The following HDAC9 variants were observed in gnomAD, a reference collection of about 807,000 sequenced individuals.
HDAC9 encodes MEF-2 interacting transcription repressor (MITR) protein.
Under a neutral mutation model 139.4 loss-of-function variants are expected in HDAC9, and 41 were observed. The ratio of observed to expected loss-of-function variants is 0.29; its 90% CI spans 0.23 to 0.38. HDAC9 has a LOEUF of 0.38. HDAC9 is among the 10% of genes least tolerant of loss of function. HDAC9 has a pLI of 1.00. For synonymous variants in HDAC9, 517 were observed against 476.2 expected (o/e 1.09, Z -1.12); for missense variants, 1,147 against 1,297.0 (o/e 0.88, Z 1.78).
intron 1 of HDAC9, among the ~76,000 whole-genome samples, chr7:18,355,235 G>T (rs1330993767): frequency 2.0e-5 from 3 of 152,090 alleles, no homozygotes; most frequent in Non-Finnish European, 2.9e-5. Context: ...AATGTACAGA[G>T]AAATTAAGTA....
intron 1 of HDAC9, among the ~76,000 whole-genome samples, chr7:18,379,272 A>G (rs1000919395): frequency 1.5e-4 from 23 of 152,212 alleles, no homozygotes; most frequent in Non-Finnish European, 3.1e-4. Context: ...ACATTATCCA[A>G]CATTAGTGGT....
At chr7:18,663,956 G>A (rs1170276811) in intron 11 of HDAC9, among the ~76,000 whole-genome samples, 1 of 152,068 alleles carries the variant, frequency 6.6e-6, no homozygotes, top group South Asian at 2.1e-4. Context: ...TTGTTACCCA[G>A]TGTCCTTATT....
intron 19 of HDAC9, among the ~76,000 whole-genome samples, chr7:18,830,260 C>T (rs915909581): frequency 9.9e-5 from 15 of 152,074 alleles, no homozygotes; most frequent in African/African-American, 3.4e-4. Flanking sequence ...CAGGAAAGGG[C>T]GAAAGAGAAG....
chr7:18,776,292 A>T (rs140304570), intron 16 of HDAC9, among the ~76,000 whole-genome samples: 1 of 151,716 alleles, frequency 6.6e-6, no homozygotes, highest in African/African-American at 2.4e-5. Flanking sequence ...TCAATCCACA[A>T]CTCCATTAAT....
chr7:18,412,276 C>A (rs1446642368), intron 1 of HDAC9, among the ~76,000 whole-genome samples: 2 of 152,016 alleles, frequency 1.3e-5, no homozygotes, highest in African/African-American at 4.8e-5. Flanking sequence ...TTTTTTCTTG[C>A]ACATTCTTTA....
intron 1 of HDAC9, among the ~76,000 whole-genome samples, chr7:18,148,530 A>G (rs1447042194): frequency 3.3e-5 from 5 of 151,954 alleles, no homozygotes; most frequent in African/African-American, 7.3e-5. Context: ...GATCTTGGCT[A>G]ACTGCAACCT....
At chr7:18,473,476 C>G (rs895028908) in intron 1 of HDAC9, among the ~76,000 whole-genome samples, 1 of 152,204 alleles carries the variant, frequency 6.6e-6, no homozygotes, top group African/African-American at 2.4e-5. Flanking sequence ...TATGTGTATT[C>G]ACAGCCCAGG....
At chr7:18,713,039 C>T (rs1041921106) in intron 12 of HDAC9, among the ~76,000 whole-genome samples, 1 of 152,118 alleles carries the variant, frequency 6.6e-6, no homozygotes, top group East Asian at 1.9e-4. Flanking sequence ...TTCTTTGTTC[C>T]GTTTGATGAG....
At chr7:18,688,108 ATG>A (rs1782407464) in intron 12 of HDAC9, among the ~76,000 whole-genome samples, 1 of 151,798 alleles carries the variant, frequency 6.6e-6, no homozygotes, top group African/African-American at 2.4e-5. Context: ...CTATGTCTAT[ATG>A]TGTGTGTATT....
At chr7:18,214,809 T>C (rs1792183438) in intron 2 of HDAC9, among the ~76,000 whole-genome samples, 1 of 152,100 alleles carries the variant, frequency 6.6e-6, no homozygotes, top group South Asian at 2.1e-4. Context: ...TAGCAGGAAA[T>C]AAAGCAAAGC....
rs150182788 is a variant in HDAC9, at chr7:18,573,334, C to G, written c.23-11947C>G. Among the ~76,000 whole-genome samples, 14 of 152,312 alleles carry G rather than the reference C, an allele frequency of 9.2e-5. No individual in the cohort carries two copies. In the East Asian group the frequency reaches 1.4e-3, roughly 15 times the overall value. On this transcript the variant is annotated intron_variant, in intron 2 of 25. Coordinates refer to ENST00000686413, the MANE Select transcript of HDAC9 (RefSeq NM_178425.4). ...TTATTCCACGATAATGTTATCGTAA[C>G]TAGTGGAAAAGCAGCTAAAAATATC...
At chr7:18,914,775 T>C (rs1174750746) in intron 22 of HDAC9, among the ~76,000 whole-genome samples, 1 of 141,282 alleles carries the variant, frequency 7.1e-6, no homozygotes, top group Non-Finnish European at 1.6e-5. Flanking sequence ...GTCATTACGC[T>C]GGGAGAGAAA....
intron 6 of HDAC9, among the ~76,000 whole-genome samples, chr7:18,606,569 G>A (rs1156999543): frequency 6.6e-6 from 1 of 152,098 alleles, no homozygotes; most frequent in Admixed American, 6.6e-5. Flanking sequence ...ACTTTTTGTC[G>A]ATTTTTGTCT....
chr7:18,764,344 C>A (rs1000974959), intron 15 of HDAC9, among the ~76,000 whole-genome samples: 10 of 152,206 alleles, frequency 6.6e-5, no homozygotes, highest in Middle Eastern at 3.4e-3. Context: ...GTTTCATATA[C>A]ACTTCTCAGT....
At chr7:18,581,471 C>T (rs1340080939) in intron 2 of HDAC9, among the ~76,000 whole-genome samples, 1 of 151,646 alleles carries the variant, frequency 6.6e-6, no homozygotes, top group African/African-American at 2.4e-5. Context: ...GTTTCAGAGA[C>T]TTGTAGGACT....
At chr7:18,930,183 T>C (rs541447253) in intron 22 of HDAC9, among the ~76,000 whole-genome samples, 1 of 152,196 alleles carries the variant, frequency 6.6e-6, no homozygotes, top group South Asian at 2.1e-4. Flanking sequence ...TCCATCTCTA[T>C]GTCCAGTGAT....
At chr7:18,551,313 C>T (rs1817051975) in intron 2 of HDAC9, among the ~76,000 whole-genome samples, 1 of 152,084 alleles carries the variant, frequency 6.6e-6, no homozygotes, top group South Asian at 2.1e-4. Context: ...GTATATGAGT[C>T]TGGAGTTCAT....
At chr7:18,737,037 A>G (rs1016200499) in intron 13 of HDAC9, among the ~76,000 whole-genome samples, 4 of 152,152 alleles carry the variant, frequency 2.6e-5, no homozygotes, top group African/African-American at 9.7e-5. Context: ...TGTTCATAGT[A>G]TTCTCTGATG....
At chr7:18,218,718 T>C (rs191774383) in intron 2 of HDAC9, among the ~76,000 whole-genome samples, 4 of 152,326 alleles carry the variant, frequency 2.6e-5, no homozygotes, top group Admixed American at 1.3e-4. Context: ...ACATTTCTTA[T>C]ATTATGAAAT....
Sources: gnomAD v4.1 joint callset for allele counts (sites outside exome capture counted in the v4.1 genomes callset) on GRCh38, gnomAD v4.1.1 for gene constraint, MANE v1.5 for transcripts, NCBI Gene and HGNC (gene_info 2026-07-23, HGNC 2026-07-21) for gene names.